SPRR2G: variants seen among roughly 807,000 people sequenced by gnomAD.
SPRR2G encodes the protein small proline rich protein 2G, also known as small proline-rich protein 2G.
SPRR2G carries 1 observed loss-of-function variant against 0.7 expected under a neutral mutation model. The ratio of observed to expected loss-of-function variants is 1.49; its 90% CI spans 0.53 to 7.06. The LOEUF (loss-of-function observed/expected upper bound fraction) is 7.06. SPRR2G is among the 30% of genes most tolerant of loss of function. The probability of loss-of-function intolerance (pLI) is 0.14; values close to 1 mark genes in which losing one functional copy is unlikely to be tolerated. For missense variants in SPRR2G, 96 were observed against 88.5 expected (o/e 1.09, Z -0.34); for synonymous variants, 38 against 33.9 (o/e 1.12, Z -0.42).
chr1:153,180,371 T>A, the SPRR2G span, among the ~76,000 whole-genome samples: 9 of 152,286 alleles, frequency 5.9e-5, no homozygotes, highest in Admixed American at 1.3e-4. Flanking sequence ...CAGTATGAAC[T>A]CTTTGGTGCC....
chr1:153,199,569 G>T, the SPRR2G span, among the ~76,000 whole-genome samples: 165 of 152,270 alleles, frequency 1.1e-3, 1 homozygote, highest in African/African-American at 3.5e-3. Context: ...GCAGCTGGGT[G>T]AGCAAGGGAA....
the SPRR2G span, among the ~76,000 whole-genome samples, chr1:153,183,594 A>T: frequency 6.6e-6 from 1 of 152,040 alleles, no homozygotes; most frequent in Non-Finnish European, 1.5e-5. Flanking sequence ...AATTTATTTA[A>T]ATTCCTTGTA....
At chr1:153,152,095 C>T (rs1656482951), upstream of SPRR2G, among the ~76,000 whole-genome samples, 1 of 152,172 alleles carries the variant, frequency 6.6e-6, no homozygotes, top group South Asian at 2.1e-4. Flanking sequence ...TACAAAAACT[C>T]AAAGAGTGGC....
the SPRR2G span, among the ~76,000 whole-genome samples, chr1:153,157,361 G>A: frequency 1.3e-5 from 2 of 152,158 alleles, no homozygotes; most frequent in African/African-American, 4.8e-5. Context: ...ATAGTTCAGT[G>A]ATAAAAAGAA....
chr1:153,189,595 TG>T, the SPRR2G span, among the ~76,000 whole-genome samples: 1 of 152,166 alleles, frequency 6.6e-6, no homozygotes, highest in Non-Finnish European at 1.5e-5. Flanking sequence ...TAAGGAAACT[TG>T]TTTATGTGGC....
the SPRR2G span, among the ~76,000 whole-genome samples, chr1:153,197,539 T>G: frequency 1.3e-5 from 2 of 152,282 alleles, no homozygotes; most frequent in Admixed American, 1.3e-4. Flanking sequence ...AAATATTCAC[T>G]GAGCATCTAT....
chr1:153,199,500 C>CA, the SPRR2G span, among the ~76,000 whole-genome samples: 1 of 152,210 alleles, frequency 6.6e-6, no homozygotes, highest in East Asian at 1.9e-4. Flanking sequence ...TGCCAGTTCA[C>CA]AAAGTTTTCA....
chr1:153,165,159 T>TGGAA, the SPRR2G span, among the ~76,000 whole-genome samples: 1 of 139,602 alleles, frequency 7.2e-6, no homozygotes, highest in Non-Finnish European at 1.6e-5. Context: ...AAAGCAAACA[T>TGGAA]GGATGGATGG....
chr1:153,163,606 TA>T, the SPRR2G span, among the ~76,000 whole-genome samples: 3,339 of 152,230 alleles, frequency 0.022, 106 homozygotes, highest in East Asian at 0.1. Context: ...TTTTGGAGCC[TA>T]AAAATGCAGC....
chr1:153,162,490 C>T, the SPRR2G span, among the ~76,000 whole-genome samples: 1 of 152,160 alleles, frequency 6.6e-6, no homozygotes, highest in African/African-American at 2.4e-5. Flanking sequence ...CTGGAGGCTC[C>T]ATTACTGCTA....
chr1:153,184,089 G>C, the SPRR2G span, among the ~76,000 whole-genome samples: 12 of 152,176 alleles, frequency 7.9e-5, no homozygotes, highest in Non-Finnish European at 8.8e-5. Context: ...TATCTGTTTT[G>C]GTACCAGTAC....
the SPRR2G span, among the ~76,000 whole-genome samples, chr1:153,167,910 G>A: frequency 5.3e-3 from 805 of 152,092 alleles, 11 homozygotes; most frequent in Middle Eastern, 0.021. Flanking sequence ...TAATAATATG[G>A]CAATTATCTT....
chr1:153,200,769 T>C, the SPRR2G span, among the ~76,000 whole-genome samples: 1 of 151,604 alleles, frequency 6.6e-6, no homozygotes, highest in African/African-American at 2.4e-5. Context: ...GCGTGATCTC[T>C]GCTCACTGCA....
chr1:153,187,973 T>A, the SPRR2G span, among the ~76,000 whole-genome samples: 1 of 152,216 alleles, frequency 6.6e-6, no homozygotes, highest in Non-Finnish European at 1.5e-5. Flanking sequence ...CTTCTGCAGG[T>A]CTGCTAGAGT....
chr1:153,182,695 T>C, the SPRR2G span, among the ~76,000 whole-genome samples: 1 of 152,158 alleles, frequency 6.6e-6, no homozygotes, highest in Non-Finnish European at 1.5e-5. Context: ...TCCAGCTTCA[T>C]CCATGTCCCT....
the SPRR2G span, among the ~76,000 whole-genome samples, chr1:153,161,132 T>A: frequency 6.6e-6 from 1 of 152,056 alleles, no homozygotes; most frequent in East Asian, 1.9e-4. Flanking sequence ...ATACCTAATG[T>A]TAAATGAAGA....
At chr1:153,169,431 T>C in the SPRR2G span, among the ~76,000 whole-genome samples, 548 of 152,178 alleles carry the variant, frequency 3.6e-3, no homozygotes, top group Non-Finnish European at 5.4e-3. Context: ...TTGGGCATGG[T>C]GGTGCACACC....
chr1:153,167,141 T>C, the SPRR2G span, among the ~76,000 whole-genome samples: 1 of 152,112 alleles, frequency 6.6e-6, no homozygotes, highest in Non-Finnish European at 1.5e-5. Context: ...CAGTTAATGA[T>C]CTGAAGAAAT....
the SPRR2G span, among the ~76,000 whole-genome samples, chr1:153,185,295 T>G: frequency 1.3e-3 from 201 of 152,198 alleles, 2 homozygotes; most frequent in African/African-American, 4.4e-3. Flanking sequence ...AGCTCCTCTT[T>G]GTACCTCTGG....
Sources: allele counts gnomAD v4.1 joint callset (sites outside exome capture counted in the v4.1 genomes callset), GRCh38; gene constraint gnomAD v4.1.1; transcripts MANE v1.5; gene names NCBI Gene and HGNC (gene_info 2026-07-23, HGNC 2026-07-21).